The following CLEC18A variants were observed in gnomAD, a reference collection of about 807,000 sequenced individuals.
CLEC18A encodes C-type lectin domain family 18 member A, also known as mannose receptor-like 1.
In CLEC18A, 5 loss-of-function variants were observed where a neutral mutation model predicts 24.0. The observed-to-expected ratio is 0.21, with a 90% CI of 0.11 to 0.44. The LOEUF (loss-of-function observed/expected upper bound fraction) is 0.44, where lower values mean the gene tolerates loss of function less well. Ranked by LOEUF, CLEC18A falls within the 20% of genes least tolerant of loss-of-function variation. The pLI is 0.99. For missense variants in CLEC18A, 83 were observed against 233.4 expected (o/e 0.36, Z 4.20); for synonymous variants, 29 against 100.1 (o/e 0.29, Z 4.24).
intron 3 of CLEC18A, among the ~76,000 whole-genome samples, chr16:69,956,090 T>A (rs1236767995): frequency 6.6e-6 from 1 of 151,580 alleles, no homozygotes; most frequent in Non-Finnish European, 1.5e-5. Context: ...TACAAAAAAA[T>A]ACATAAATTA....
Position 69,954,544 on chromosome 16 carries a change from C to T in CLEC18A, c.427C>T (p.Arg143Cys), listed in dbSNP as rs767035544. The T allele has an allele frequency of 6.8e-6, 11 of 1,611,854 alleles. No individual in the cohort carries two copies. The highest frequency in any genetic ancestry group is 3.3e-5 in the Admixed American group (2 of 59,906). Residue 143 changes from arginine to cysteine, a missense_variant, in exon 3 of 12, where the codon CGC becomes TGC. By Grantham distance (180) the Arg-to-Cys change is radical. This residue lies in a region of CLEC18A where 71 missense variants were observed against 107.4 expected (regional missense o/e 0.66). Transcript: ENST00000288040. Reference sequence around the variant, plus strand: ...CAGCCACGCGGCAGGAGAGTGTGCTCGCAACGCCACCTGCACCCACTACAC... The same window carrying T: ...CAGCCACGCGGCAGGAGAGTGTGCTTGCAACGCCACCTGCACCCACTACAC... ...RYSHAAGECA[R>C]NATCTHYTQL... is the part of the protein sequence containing the mutation.
chr16:69,955,842 G>T (rs1400645508), intron 3 of CLEC18A, among the ~76,000 whole-genome samples: 2 of 151,724 alleles, frequency 1.3e-5, no homozygotes, highest in African/African-American at 2.4e-5. Flanking sequence ...TATTTGTTGA[G>T]GGTCTTCTAC....
At chr16:69,950,310 G>A (rs1376416880), upstream of CLEC18A, among the ~76,000 whole-genome samples, 1 of 127,606 alleles carries the variant, frequency 7.8e-6, no homozygotes, top group Non-Finnish European at 1.9e-5. Context: ...GAAGGAGGAC[G>A]TAGTTGGTTT....
chr16:69,953,834 A>C, intron 2 of CLEC18A: 1 of 151,036 alleles, frequency 6.6e-6, no homozygotes. Context: ...AAAAAAAAAG[A>C]AGAGGGAGGG....
the CLEC18A span, among the ~76,000 whole-genome samples, chr16:69,944,418 C>A: frequency 1.3e-5 from 2 of 151,882 alleles, no homozygotes; most frequent in African/African-American, 4.8e-5. Flanking sequence ...AAACATGAAC[C>A]AGACAGAGAA....
At position 69,963,721 on chromosome 16, in the gene CLEC18A, A is replaced by G; in HGVS notation, c.*110A>G. 1.7e-6 allele frequency: 2 copies of G among 1,187,022 alleles called. No homozygotes were observed. The highest frequency in any genetic ancestry group is 1.4e-5 in the African/African-American group (1 of 69,544). The allele number at this position is 1,187,022 out of a possible 1,614,324, so 73.5% of individuals were successfully genotyped here. ...GTTAAGATCACATGCCTCATGTCCA[A>G]AGAGGTCTCAGACCTTGCACAATGC... On this transcript the variant is annotated 3_prime_UTR_variant, in exon 12 of 12. Coordinates refer to ENST00000288040, the MANE Select transcript of CLEC18A (RefSeq NM_001370523.4).
chr16:69,965,035 C>G (rs1959327197), downstream of CLEC18A, among the ~76,000 whole-genome samples: 1 of 151,792 alleles, frequency 6.6e-6, no homozygotes, highest in African/African-American at 2.4e-5. Context: ...CTCCCGTGCT[C>G]AAGCGATCCG....
chr16:69,957,045 C>T (rs1213589616), intron 3 of CLEC18A, among the ~76,000 whole-genome samples: 2 of 151,714 alleles, frequency 1.3e-5, no homozygotes, highest in African/African-American at 4.8e-5. Flanking sequence ...ATGTTTAGAT[C>T]ATTCATTTTA....
downstream of CLEC18A, among the ~76,000 whole-genome samples, chr16:69,965,051 C>T (rs1229205738): frequency 6.6e-6 from 1 of 151,700 alleles, no homozygotes; most frequent in East Asian, 1.9e-4. Flanking sequence ...ATCCGCCATC[C>T]TGGGCCTCCC....
chr16:69,963,028 CA>C lies in CLEC18A; in HGVS notation c.1265del (p.Gln422ArgfsTer28). The C allele has an allele frequency of 6.2e-7, 1 of 1,613,650 alleles. No homozygotes were observed. On this transcript the variant is annotated frameshift_variant, in exon 11 of 12. Transcript: ENST00000288040. LOFTEE classifies it high-confidence loss of function. ...QASAAFNWND[Q>X]RCKTRNRYIC... Reference sequence around the variant, plus strand: ...TTCAGCTGCCTTCAACTGGAACGACCAGCGCTGCAAAACCCGAAACCGTTAC... The same window carrying C: ...TTCAGCTGCCTTCAACTGGAACGACCGCGCTGCAAAACCCGAAACCGTTAC...
chr16:69,946,730 A>G (rs1190966201), upstream of CLEC18A, among the ~76,000 whole-genome samples: 2 of 144,468 alleles, frequency 1.4e-5, no homozygotes, highest in Admixed American at 7.0e-5. Flanking sequence ...CCTCAATTTC[A>G]TTTTCAGATT....
intron 3 of CLEC18A, among the ~76,000 whole-genome samples, chr16:69,954,793 G>A (rs1310101466): frequency 4.6e-5 from 7 of 151,154 alleles, no homozygotes; most frequent in East Asian, 1.9e-4. Context: ...CGCCTCCTGG[G>A]CTCAAGTGAT....
At chr16:69,954,942 C>A (rs530475906) in intron 3 of CLEC18A, among the ~76,000 whole-genome samples, 17 of 151,924 alleles carry the variant, frequency 1.1e-4, no homozygotes, top group Non-Finnish European at 1.8e-4. Flanking sequence ...TCAAGTGATC[C>A]ACCCACCTCA....
In CLEC18A at chr16:69,954,459, C is replaced by T. The variant is rs201097173; in HGVS notation, c.342C>T (p.Pro114=). The change falls in exon 3 of 12, where the codon CCC becomes CCT. Residue 114 remains proline (P), a synonymous_variant. Transcript: ENST00000288040. The part of the protein sequence containing the change: ...LQVGWNMQLL[P]AGLVSFVEVV... Reference sequence around the variant, plus strand: ...TGGGCTGGAACATGCAGCTGCTACCCGCGGGCTTGGTGTCCTTTGTCGAAG... The same window carrying T: ...TGGGCTGGAACATGCAGCTGCTACCTGCGGGCTTGGTGTCCTTTGTCGAAG... The T allele has an allele frequency of 1.8e-4, 286 of 1,596,228 alleles. 11 individuals carry two copies. The South Asian group carries it at 2.7e-3, about 15-fold the overall frequency.
At chr16:69,964,476 A>AT (rs59136115), downstream of CLEC18A, 554 of 135,508 alleles carry the variant, frequency 4.1e-3, 14 homozygotes, top group Non-Finnish European at 6.5e-3. Flanking sequence ...TCATTTATTT[A>AT]TTTTTTTTTC....
downstream of CLEC18A, among the ~76,000 whole-genome samples, chr16:69,965,614 C>T (rs1057218313): frequency 1.3e-5 from 2 of 149,080 alleles, no homozygotes; most frequent in African/African-American, 5.0e-5. Flanking sequence ...TCCCTGGGGG[C>T]CGGGGGCAGA....
upstream of CLEC18A, among the ~76,000 whole-genome samples, chr16:69,946,254 A>G (rs1279177575): frequency 7.4e-6 from 1 of 135,684 alleles, no homozygotes; most frequent in East Asian, 2.0e-4. Flanking sequence ...AGCCTGGACG[A>G]CAGAGCAAGA....
intron 3 of CLEC18A, among the ~76,000 whole-genome samples, chr16:69,954,892 G>A (rs2059013167): frequency 6.6e-6 from 1 of 152,050 alleles, no homozygotes; most frequent in Non-Finnish European, 1.5e-5. Flanking sequence ...TAGAGATGGG[G>A]TTTTACCATG....
At chr16:69,964,785 G>A (rs1959313844), downstream of CLEC18A, among the ~76,000 whole-genome samples, 1 of 151,382 alleles carries the variant, frequency 6.6e-6, no homozygotes, top group South Asian at 2.1e-4. Context: ...TGACAGGCGT[G>A]AGCCACCGCG....
Sources: gnomAD v4.1 joint callset for allele counts (sites outside exome capture counted in the v4.1 genomes callset) on GRCh38, gnomAD v4.1.1 for gene constraint, gnomAD v4.1.1 regional missense constraint, MANE v1.5 for transcripts, NCBI Gene and HGNC (gene_info 2026-07-23, HGNC 2026-07-21) for gene names.